Variants in ABLIM1 observed in about 807,000 individuals in gnomAD.
ABLIM1 encodes actin binding LIM protein 1.
In ABLIM1, 40 loss-of-function variants were observed where a neutral mutation model predicts 107.0. That is an observed-to-expected ratio of 0.37 (90% confidence interval 0.29 to 0.49). The LOEUF is 0.49. ABLIM1 is among the 20% of genes least tolerant of loss of function. The probability of loss-of-function intolerance (pLI) is 0.97; values close to 1 mark genes in which losing one functional copy is unlikely to be tolerated. For missense variants in ABLIM1, 857 were observed against 1,008.5 expected (o/e 0.85, Z 2.04); for synonymous variants, 357 against 357.3 (o/e 1.00, Z 0.01).
intron 2 of ABLIM1, among the ~76,000 whole-genome samples, chr10:114,583,163 C>CA (rs1241856328): frequency 8.0e-5 from 12 of 149,572 alleles, no homozygotes; most frequent in Admixed American, 1.3e-4. Flanking sequence ...ATTCTACAAG[C>CA]AAAAAACAAA....
chr10:114,718,057 GAAAGAA>G (rs2081732153), intron 1 of ABLIM1, among the ~76,000 whole-genome samples: 2 of 99,568 alleles, frequency 2.0e-5, no homozygotes, highest in African/African-American at 7.2e-5. Flanking sequence ...AAGAAAGAAA[GAAAGAA>G]AGGAAGAAAG....
At position 114,730,440 on chromosome 10, in the gene ABLIM1, C is replaced by CTGAG. The variant is rs1344301647; in HGVS notation, c.-213+37617_-213+37620dup. Among the ~76,000 whole-genome samples the CTGAG allele has an allele frequency of 2.7e-5, 4 of 148,856 alleles. No homozygotes were observed. In the East Asian group the frequency reaches 7.9e-4, roughly 29 times the overall value. On this transcript the variant is annotated intron_variant, in intron 1 of 15. Coordinates refer to the ABLIM1 transcript ENST00000651092. The stretch of plus-strand genomic sequence containing the variant: ...AAAAAGAATTCCACGTAGAGAAGGG[C>CTGAG]TGAGTAAGCACTATGATCAGTCACC...
chr10:114,539,330 C>T (rs1301657834), intron 6 of ABLIM1, among the ~76,000 whole-genome samples: 4 of 152,066 alleles, frequency 2.6e-5, no homozygotes, highest in Non-Finnish European at 5.9e-5. Flanking sequence ...TGCACTCCAG[C>T]CTGGGCAACA....
rs953725203 is a variant in ABLIM1 at position 114,547,830 on chromosome 10, G to A, written c.674-54C>T. 1.9e-6 allele frequency: 3 copies of A among 1,586,384 alleles called. No homozygotes were observed. In the African/African-American group the frequency reaches 4.0e-5, roughly 21 times the overall value. ...TACACATTTCCTTTGCTAAATCCAA[G>A]CAGGCAGCCCAATTTCAACCCCACT... On this transcript the variant is annotated intron_variant, in intron 4 of 22. Coordinates refer to ENST00000533213, the MANE Select transcript of ABLIM1 (RefSeq NM_002313.7).
chr10:114,715,254 T>C (rs2081637156), intron 1 of ABLIM1, among the ~76,000 whole-genome samples: 1 of 152,152 alleles, frequency 6.6e-6, no homozygotes, highest in Non-Finnish European at 1.5e-5. Context: ...ATTCCAGTCA[T>C]CTTAGTTGCT....
rs2063820115 is a variant in ABLIM1 at position 114,522,010 on chromosome 10, G to A, written c.894+22995C>T. ...AAGAGGCAGGTTGAATAATGAGAAG[G>A]AAGCCAAGATCTGGAGGAAGAATGT... is the stretch of plus-strand genomic sequence containing the variant. On this transcript the variant is annotated intron_variant, in intron 6 of 22. Transcript: ENST00000533213. Among the ~76,000 whole-genome samples the A allele has an allele frequency of 2.0e-5, 3 of 152,138 alleles. No homozygotes were observed. The South Asian group carries it at 6.2e-4, about 32-fold the overall frequency.
At position 114,619,178 on chromosome 10, in the gene ABLIM1, T is replaced by A. The variant is rs11814968; in HGVS notation, c.245-17217A>T. Among the ~76,000 whole-genome samples, 1,837 of 151,858 alleles carry A rather than the reference T, an allele frequency of 0.012. 34 individuals carry two copies. The highest frequency in any genetic ancestry group is 0.041 in the African/African-American group (1,699 of 41,442). On this transcript the variant is annotated intron_variant, in intron 1 of 22. Coordinates refer to ENST00000533213, the MANE Select transcript of ABLIM1 (RefSeq NM_002313.7). This position sits in a 1 kb window ranked among gnomAD's most constrained non-coding sequence, Gnocchi z 4.1. ...GCCCTTAAATTATATTTTTTCTTTT[T>A]TTTTTCTTTCTCTTTCTTTCTTTTC...
intron 1 of ABLIM1, among the ~76,000 whole-genome samples, chr10:114,644,280 CAAAAAAAAAAAA>C (rs1170954656): frequency 2.1e-4 from 4 of 18,630 alleles, no homozygotes; most frequent in African/African-American, 6.8e-4. Context: ...GACTCCATCT[CAAAAAAAAAAAA>C]AAAAAAAAAA....
At chr10:114,787,209 C>T in the ABLIM1 span, among the ~76,000 whole-genome samples, 1 of 151,822 alleles carries the variant, frequency 6.6e-6, no homozygotes, top group Admixed American at 6.5e-5. Flanking sequence ...TGAGGAGACC[C>T]TCTGCCTGGC....
Position 114,767,992 on chromosome 10 carries a change from C to A in ABLIM1, c.-213+69G>T, listed in dbSNP as rs990151726. 7.7e-4 allele frequency: 319 copies of A among 414,284 alleles called. 3 individuals are homozygous for A. Among genetic ancestry groups the A allele is most frequent in the South Asian group, 5.1e-3 (310 of 60,362 alleles). The allele number at this position is 414,284 out of a possible 1,614,324, so 25.7% of individuals were successfully genotyped here. A position where few individuals can be genotyped will look rare whatever the true frequency, so the allele number is the denominator to read the frequency against. Reference sequence around the variant, plus strand: ...CTGGGGCCGGCGCGGCTGTCGCAGCCCCCCCGCCCTCCCGCACCTGTTCGG... The same window carrying A: ...CTGGGGCCGGCGCGGCTGTCGCAGCACCCCCGCCCTCCCGCACCTGTTCGG... On this transcript the variant is annotated intron_variant, in intron 1 of 15. Coordinates refer to the ABLIM1 transcript ENST00000651092.
At chr10:114,603,120 A>C (rs73362835) in intron 1 of ABLIM1, among the ~76,000 whole-genome samples, 8,240 of 152,248 alleles carry the variant, frequency 0.054, 742 homozygotes, top group African/African-American at 0.19. Context: ...ATCAACCAAC[A>C]CAAAGATGAT....
At chr10:114,738,109 C>T (rs559552025) in intron 1 of ABLIM1, among the ~76,000 whole-genome samples, 12 of 152,090 alleles carry the variant, frequency 7.9e-5, no homozygotes, top group African/African-American at 1.7e-4. Context: ...AGTGCAGTGG[C>T]GCGATCTTGG....
intron 17 of ABLIM1, among the ~76,000 whole-genome samples, chr10:114,442,927 T>C (rs1301569231): frequency 6.6e-6 from 1 of 151,904 alleles, no homozygotes; most frequent in Non-Finnish European, 1.5e-5. Flanking sequence ...TAAGCTCAGC[T>C]TTCTGGGTTC....
At chr10:114,496,114 G>T (rs1420255753) in intron 6 of ABLIM1, among the ~76,000 whole-genome samples, 1 of 152,188 alleles carries the variant, frequency 6.6e-6, no homozygotes, top group Admixed American at 6.5e-5. Context: ...CCAGTAAAAG[G>T]CTCTCTGGAT....
At chr10:114,542,427 G>GAAAA (rs2066788942) in intron 6 of ABLIM1, among the ~76,000 whole-genome samples, 1 of 88,460 alleles carries the variant, frequency 1.1e-5, no homozygotes, top group Non-Finnish European at 2.4e-5. Context: ...AAAAAAGAAA[G>GAAAA]AAAGAAAAAA....
intron 1 of ABLIM1, chr10:114,615,690 A>G: frequency 5.1e-6 from 2 of 393,656 alleles, no homozygotes; most frequent in South Asian, 3.6e-5. Context: ...TTTGGGTGAA[A>G]CTGAAAGTCA....
At chr10:114,620,976 C>T (rs889219687) in intron 1 of ABLIM1, among the ~76,000 whole-genome samples, 1 of 152,170 alleles carries the variant, frequency 6.6e-6, no homozygotes, top group Non-Finnish European at 1.5e-5. Flanking sequence ...CAGTTCTAAT[C>T]ATCCTTAGCT....
At chr10:114,801,147 T>G in the ABLIM1 span, among the ~76,000 whole-genome samples, 2 of 152,038 alleles carry the variant, frequency 1.3e-5, no homozygotes, top group Non-Finnish European at 2.9e-5. Context: ...GGGGTAGTGG[T>G]TCATGTTTGT....
At chr10:114,533,725 G>C (rs1166464887) in intron 6 of ABLIM1, among the ~76,000 whole-genome samples, 3 of 152,114 alleles carry the variant, frequency 2.0e-5, no homozygotes, top group Non-Finnish European at 2.9e-5. Flanking sequence ...GGAGTGCAGT[G>C]GCGTGTGATC....
Sources: gnomAD v4.1 joint callset for allele counts (sites outside exome capture counted in the v4.1 genomes callset) on GRCh38, gnomAD v4.1.1 for gene constraint, Gnocchi (gnomAD v3.1) non-coding constraint, MANE v1.5 for transcripts, NCBI Gene and HGNC (gene_info 2026-07-23, HGNC 2026-07-21) for gene names.